The following MTA3 variants were observed in gnomAD, a reference collection of about 807,000 sequenced individuals.
MTA3 encodes the protein metastasis associated 1 family member 3.
Under a neutral mutation model 83.5 loss-of-function variants are expected in MTA3, and 34 were observed. The observed-to-expected ratio is 0.41, with a 90% confidence interval of 0.31 to 0.54. The LOEUF (loss-of-function observed/expected upper bound fraction) is 0.54. Among genes scored for constraint, MTA3 ranks in the 20% least tolerant of loss-of-function variants. MTA3 has a pLI of 0.33. For missense variants in MTA3, 761 were observed against 726.4 expected, an observed-to-expected ratio of 1.05 and a Z score of -0.55; for synonymous variants, 303 against 252.7, an observed-to-expected ratio of 1.20 and a Z score of -1.89.
At chr2:42,732,454 A>G (rs887021552) in intron 16 of MTA3, among the ~76,000 whole-genome samples, 2 of 152,220 alleles carry the variant, frequency 1.3e-5, no homozygotes, top group Admixed American at 1.3e-4. Flanking sequence ...CCTAGGCTGC[A>G]CACAGCACAG....
intron 14 of MTA3, among the ~76,000 whole-genome samples, chr2:42,714,844 G>A (rs1320655068): frequency 6.6e-6 from 1 of 152,184 alleles, no homozygotes; most frequent in Non-Finnish European, 1.5e-5. Flanking sequence ...TAGGGTTAGC[G>A]CTCCTATGAG....
chr2:42,714,965 G>A (rs10182264), intron 14 of MTA3, among the ~76,000 whole-genome samples: 98,427 of 152,074 alleles, frequency 0.65, 32,732 homozygotes, highest in African/African-American at 0.8. Flanking sequence ...TGAGGCCTGG[G>A]GCTTGGGGAC....
Position 42,661,821 on chromosome 2 carries a change from G to A in MTA3, c.702+1959G>A, listed in dbSNP as rs979128635. On this transcript the variant is annotated intron_variant, in intron 8 of 16. Transcript: ENST00000405094. ...AAAACTCCATATAAGGGCACCTAAAGCAAATGTTAATATTTTAGTTCTTCA... is the reference window on the plus strand; with the variant it reads ...AAAACTCCATATAAGGGCACCTAAAACAAATGTTAATATTTTAGTTCTTCA... 3.9e-5 allele frequency among the ~76,000 whole-genome samples: 6 copies of A among 152,156 alleles called. No individual in the cohort carries two copies. In the South Asian group the frequency reaches 6.2e-4, roughly 16 times the overall value.
chr2:42,644,071 C>G, intron 5 of MTA3, 56 bp from the exon 6 acceptor site: 1 of 1,065,678 alleles, frequency 9.4e-7, no homozygotes, highest in Non-Finnish European at 1.4e-6. Flanking sequence ...GATTTTAATG[C>G]TTTATAAGAA....
At chr2:42,532,556 A>G (rs1481480502) in intron 2 of MTA3, among the ~76,000 whole-genome samples, 5 of 152,180 alleles carry the variant, frequency 3.3e-5, no homozygotes, top group Non-Finnish European at 5.9e-5. Context: ...TTTCTAACCA[A>G]TTCAGTAATT....
At chr2:42,584,544 TA>T (rs1680041887) in intron 3 of MTA3, among the ~76,000 whole-genome samples, 1 of 151,998 alleles carries the variant, frequency 6.6e-6, no homozygotes, top group South Asian at 2.1e-4. Flanking sequence ...GACTTCAGTG[TA>T]TTTTTTTTTT....
At chr2:42,712,266 G>T (rs1430367703) in intron 14 of MTA3, among the ~76,000 whole-genome samples, 3 of 152,152 alleles carry the variant, frequency 2.0e-5, no homozygotes, top group Non-Finnish European at 4.4e-5. Context: ...AGGGAAAGGG[G>T]TGGGAAGATT....
At chr2:42,528,928 G>C (rs933047451) in intron 2 of MTA3, among the ~76,000 whole-genome samples, 2 of 152,174 alleles carry the variant, frequency 1.3e-5, no homozygotes, top group Admixed American at 6.5e-5. Flanking sequence ...TGCAGCGTTT[G>C]CCTTATTTGA....
intron 2 of MTA3, among the ~76,000 whole-genome samples, chr2:42,561,703 A>AG (rs373695071): frequency 0.78 from 118,261 of 151,918 alleles, 46,806 homozygotes; most frequent in African/African-American, 0.92. Context: ...AAACATGTTG[A>AG]CTGTTTCAAG....
At chr2:42,677,215 T>C (rs1691442729) in intron 8 of MTA3, among the ~76,000 whole-genome samples, 2 of 152,198 alleles carry the variant, frequency 1.3e-5, no homozygotes, top group African/African-American at 4.8e-5. Flanking sequence ...AATCTCATCC[T>C]GTAACTCAAT....
intron 3 of MTA3, among the ~76,000 whole-genome samples, chr2:42,603,508 A>G (rs1361928530): frequency 6.6e-6 from 1 of 152,236 alleles, no homozygotes; most frequent in Non-Finnish European, 1.5e-5. Context: ...AATATAAAGC[A>G]GAAATAGCTT....
intron 3 of MTA3, among the ~76,000 whole-genome samples, chr2:42,587,455 C>T (rs898390770): frequency 6.6e-6 from 1 of 152,250 alleles, no homozygotes; most frequent in African/African-American, 2.4e-5. Flanking sequence ...GGTGTCTTTT[C>T]CAGTGAGAAT....
At chr2:42,529,545 C>T (rs1176237545) in intron 2 of MTA3, among the ~76,000 whole-genome samples, 1 of 152,224 alleles carries the variant, frequency 6.6e-6, no homozygotes, top group South Asian at 2.1e-4. Flanking sequence ...TAAGGACTTA[C>T]TGTTTCTTCA....
chr2:42,608,602 G>T (rs1180257968), intron 3 of MTA3, among the ~76,000 whole-genome samples: 1 of 152,184 alleles, frequency 6.6e-6, no homozygotes, highest in South Asian at 2.1e-4. Context: ...CTTCTGTGAG[G>T]TTGGGTGTGG....
chr2:42,539,757 G>C (rs116803651), intron 2 of MTA3, among the ~76,000 whole-genome samples: 5,964 of 151,548 alleles, frequency 0.039, 158 homozygotes, highest in South Asian at 0.091. Context: ...AATTTTTATA[G>C]AGACGAGGTC....
chr2:42,612,617 T>C (rs897460936), intron 4 of MTA3, among the ~76,000 whole-genome samples: 1 of 152,172 alleles, frequency 6.6e-6, no homozygotes, highest in African/African-American at 2.4e-5. Context: ...ATCCCAGCAC[T>C]TTGTGAGCCA....
Position 42,545,108 on chromosome 2 carries a change from T to C in MTA3, c.-140-25329T>C, listed in dbSNP as rs149104871. Among the ~76,000 whole-genome samples, 1,015 of 152,288 alleles carry C rather than the reference T, an allele frequency of 6.7e-3. 3 individuals carry two copies. Among genetic ancestry groups the C allele is most frequent in the Middle Eastern group, 0.017 (5 of 294 alleles). On this transcript the variant is annotated intron_variant, in intron 2 of 17. Coordinates refer to the MTA3 transcript ENST00000405592. ...GATTTTGAATCCCAACCAGGCGTGG[T>C]TGCTCATGCTTGTAATCTCAGCACT...
At chr2:42,666,007 G>A (rs537123410) in intron 8 of MTA3, among the ~76,000 whole-genome samples, 43 of 152,288 alleles carry the variant, frequency 2.8e-4, no homozygotes, top group African/African-American at 8.9e-4. Context: ...GCCAGGTGCC[G>A]TGGCTCACGC....
At chr2:42,683,719 G>A (rs1159243800) in intron 9 of MTA3, among the ~76,000 whole-genome samples, 1 of 152,072 alleles carries the variant, frequency 6.6e-6, no homozygotes, top group African/African-American at 2.4e-5. Flanking sequence ...TTCACAATAG[G>A]GTTCATGCTC....
Sources: gnomAD v4.1 joint callset for allele counts (sites outside exome capture counted in the v4.1 genomes callset) on GRCh38, gnomAD v4.1.1 for gene constraint, MANE v1.5 for transcripts, NCBI Gene and HGNC (gene_info 2026-07-23, HGNC 2026-07-21) for gene names.